The following SLC19A1 variants were observed in gnomAD, a reference collection of about 807,000 sequenced individuals.
The protein encoded by SLC19A1 is reduced folate transporter.
A neutral mutation model predicts 35.3 loss-of-function variants in SLC19A1; 37 were observed. The ratio of observed to expected loss-of-function variants is 1.05; its 90% CI spans 0.81 to 1.38. The LOEUF is 1.38. SLC19A1 is among the 40% of genes most tolerant of loss of function. The probability of loss-of-function intolerance (pLI) is 0.00; values close to 1 mark genes in which losing one functional copy is unlikely to be tolerated. For missense variants in SLC19A1, 831 were observed against 826.9 expected (o/e 1.00, Z -0.06); for synonymous variants, 460 against 398.5 (o/e 1.15, Z -1.84).
chr21:45,505,625 G>T (rs1385851888), intron 3 of SLC19A1, among the ~76,000 whole-genome samples: 1 of 152,180 alleles, frequency 6.6e-6, no homozygotes, highest in African/African-American at 2.4e-5. Context: ...CACCAGCCGG[G>T]AAGTGCCCAG....
Position 45,549,986 on chromosome 21 carries a change from T to C in SLC19A1, c.-49-11978A>G, listed in dbSNP as rs141691455. 1.1e-3 allele frequency among the ~76,000 whole-genome samples: 170 copies of C among 152,116 alleles called. 1 individual carries two copies. The highest frequency in any genetic ancestry group is 6.8e-3 in the Middle Eastern group (2 of 294). ...TAGCCCCAGGGCAGCCCTCCCAGGC[T>C]GCAGAGCCCCGAACTCTCTGGCATC... On this transcript the variant is annotated intron_variant, in intron 1 of 5. Transcript: ENST00000650808.
chr21:45,511,292 C>T (rs1330749264), downstream of SLC19A1: 4 of 833,442 alleles, frequency 4.8e-6, no homozygotes, highest in South Asian at 2.9e-5. Flanking sequence ...CGGGCGGGCT[C>T]CTATCTGCAG....
chr21:45,507,529 A>G lies in SLC19A1; in HGVS notation c.498-8917T>C, dbSNP rs750606519. 4.4e-6 allele frequency: 7 copies of G among 1,608,310 alleles called. No homozygotes were observed. In the East Asian group the frequency reaches 8.9e-5, roughly 21 times the overall value. ...GGCACCCTGGCTCAGGCCCAGCCGC[A>G]GGTCCTGGGTGACCCTGCTGCTTTC... On this transcript the variant is annotated intron_variant, in intron 3 of 4. Transcript: ENST00000417954.
intron 3 of SLC19A1, chr21:45,502,713 C>T (rs184574847): frequency 1.3e-5 from 2 of 152,198 alleles, no homozygotes; most frequent in South Asian, 4.1e-4. Context: ...CCTGGAACTG[C>T]CACAGCTTCA....
intron 1 of SLC19A1, among the ~76,000 whole-genome samples, chr21:45,558,740 T>A (rs1047275167): frequency 6.6e-6 from 1 of 151,944 alleles, no homozygotes; most frequent in African/African-American, 2.4e-5. Flanking sequence ...TGGAACAAGG[T>A]GGAGCTGTGT....
At chr21:45,549,739 G>C (rs1271927404) in intron 1 of SLC19A1, among the ~76,000 whole-genome samples, 1 of 103,848 alleles carries the variant, frequency 9.6e-6, no homozygotes. Flanking sequence ...GGTGGGGGAG[G>C]GGCAGGGGAC....
At chr21:45,559,794 T>C (rs964591186) in intron 1 of SLC19A1, among the ~76,000 whole-genome samples, 2 of 152,190 alleles carry the variant, frequency 1.3e-5, no homozygotes, top group African/African-American at 4.8e-5. Context: ...AGGGTATTTT[T>C]AAGAGAAATT....
At chr21:45,503,117 C>G (rs1200866525) in intron 3 of SLC19A1, 2 of 152,146 alleles carry the variant, frequency 1.3e-5, no homozygotes, top group Middle Eastern at 3.2e-3. Context: ...AATGGTATTT[C>G]TAGTTCTAGA....
At chr21:45,507,818 C>G (rs2037313633), downstream of SLC19A1, among the ~76,000 whole-genome samples, 1 of 152,230 alleles carries the variant, frequency 6.6e-6, no homozygotes, top group African/African-American at 2.4e-5. Flanking sequence ...CACGAGGGAG[C>G]CCCTCTCATC....
chr21:45,512,460 G>T (rs566659861), downstream of SLC19A1: 10 of 1,524,010 alleles, frequency 6.6e-6, no homozygotes, highest in African/African-American at 1.4e-4. Flanking sequence ...CCCACCGTGG[G>T]CAGGGAGCGG....
At chr21:45,512,053 AGGTTGTG>A (rs1452513591), downstream of SLC19A1, 2 of 922,888 alleles carry the variant, frequency 2.2e-6, no homozygotes, top group Non-Finnish European at 3.4e-6. Context: ...GTGGCCCTCC[AGGTTGTG>A]GGAGCCTCTG....
chr21:45,547,561 C>G (rs1023697658), upstream of SLC19A1, among the ~76,000 whole-genome samples: 3 of 152,234 alleles, frequency 2.0e-5, no homozygotes, highest in African/African-American at 7.2e-5. Flanking sequence ...CAACCCCTTA[C>G]TTAACCTAGA....
At chr21:45,539,747 C>T (rs2078245494) in intron 1 of SLC19A1, among the ~76,000 whole-genome samples, 2 of 152,182 alleles carry the variant, frequency 1.3e-5, no homozygotes, top group South Asian at 2.1e-4. Flanking sequence ...CTTGACACCT[C>T]TACACACTCA....
intron 2 of SLC19A1, among the ~76,000 whole-genome samples, chr21:45,535,680 T>C (rs909855962): frequency 1.3e-5 from 2 of 152,204 alleles, no homozygotes; most frequent in Non-Finnish European, 2.9e-5. Flanking sequence ...GCCCACTGCC[T>C]GAGGCTGCCA....
At chr21:45,527,207 G>A (rs1329732068) in intron 4 of SLC19A1, among the ~76,000 whole-genome samples, 1 of 150,578 alleles carries the variant, frequency 6.6e-6, no homozygotes, top group African/African-American at 2.4e-5. Context: ...GGGTATGCCC[G>A]GGAGGGCCCT....
chr21:45,510,900 G>T (rs1262515106), downstream of SLC19A1, among the ~76,000 whole-genome samples: 2 of 151,822 alleles, frequency 1.3e-5, no homozygotes, highest in East Asian at 3.9e-4. Context: ...TCCCTGGCAG[G>T]ACATGCCCAG....
At position 45,530,494 on chromosome 21, in the gene SLC19A1, C is replaced by T. The variant is rs576215953; in HGVS notation, c.1151+276G>A. ...TGGATGGGGTCTCAGCAGCCCGGGG[C>T]CTAGAGGGTGGGGTTGGGAGCAGGG... On this transcript the variant is annotated intron_variant, in intron 4 of 5. Coordinates refer to ENST00000311124, the MANE Select transcript of SLC19A1 (RefSeq NM_194255.4). The surrounding 1 kb of genome is among the most constrained non-coding windows in gnomAD (Gnocchi z 5.3). Among the ~76,000 whole-genome samples the T allele has an allele frequency of 6.6e-6, 1 of 152,216 alleles. No homozygotes were observed. Among genetic ancestry groups the T allele is most frequent in the South Asian group, 2.1e-4 (1 of 4,818 alleles).
intron 3 of SLC19A1, chr21:45,506,948 G>GTAGAT: frequency 8.0e-6 from 2 of 251,086 alleles, no homozygotes; most frequent in Non-Finnish European, 1.6e-5. Flanking sequence ...CTGAGCTGGT[G>GTAGAT]CCCACTGTGT....
intron 5 of SLC19A1, among the ~76,000 whole-genome samples, chr21:45,520,708 G>A (rs2077410835): frequency 6.6e-6 from 1 of 152,200 alleles, no homozygotes; most frequent in Non-Finnish European, 1.5e-5. Flanking sequence ...ACTCCAACCT[G>A]ACTGGATGTC....
Sources: gnomAD v4.1 joint callset for allele counts (sites outside exome capture counted in the v4.1 genomes callset) on GRCh38, gnomAD v4.1.1 for gene constraint, Gnocchi (gnomAD v3.1) non-coding constraint, MANE v1.5 for transcripts, NCBI Gene and HGNC (gene_info 2026-07-23, HGNC 2026-07-21) for gene names.